The following SVIL variants were observed in gnomAD, a reference collection of about 807,000 sequenced individuals.
SVIL encodes the protein archvillin.
SVIL carries 101 observed loss-of-function variants against 240.4 expected under a neutral mutation model. The observed-to-expected ratio is 0.42, with a 90% CI of 0.36 to 0.50. SVIL has a LOEUF of 0.50. SVIL is among the 20% of genes least tolerant of loss of function. SVIL has a pLI of 0.01. For synonymous variants in SVIL, 999 were observed against 1,100.0 expected (o/e 0.91, Z 1.82); for missense variants, 2,512 against 2,818.7 (o/e 0.89, Z 2.46).
At chr10:29,559,381 C>T (rs192275834) in intron 3 of SVIL, among the ~76,000 whole-genome samples, 1 of 150,258 alleles carries the variant, frequency 6.7e-6, no homozygotes, top group East Asian at 1.9e-4. Context: ...AGTATTTTTT[C>T]TGAACCATTT....
intron 17 of SVIL, among the ~76,000 whole-genome samples, chr10:29,506,718 A>T (rs1288442228): frequency 1.9e-5 from 2 of 104,770 alleles, no homozygotes; most frequent in African/African-American, 6.6e-5. Context: ...GAGGGGATAG[A>T]GACTCTACGA....
chr10:29,661,494 T>C (rs551641723), intron 2 of SVIL, among the ~76,000 whole-genome samples: 9 of 152,124 alleles, frequency 5.9e-5, no homozygotes, highest in African/African-American at 2.2e-4. Flanking sequence ...CAGGAGGAGA[T>C]GCTAGCTAAG....
intron 1 of SVIL, among the ~76,000 whole-genome samples, chr10:29,717,826 T>G (rs943527034): frequency 2.0e-5 from 3 of 152,246 alleles, no homozygotes; most frequent in Non-Finnish European, 4.4e-5. Context: ...AATATACTTT[T>G]TCAACTATAA....
At chr10:29,535,602 GC>G (rs1951686454) in intron 7 of SVIL, among the ~76,000 whole-genome samples, 1 of 152,214 alleles carries the variant, frequency 6.6e-6, no homozygotes, top group South Asian at 2.1e-4. Context: ...AGGGCTGGGA[GC>G]AGTGGGAAGC....
intron 2 of SVIL, among the ~76,000 whole-genome samples, chr10:29,662,800 C>T (rs547427224): frequency 3.3e-5 from 5 of 152,138 alleles, no homozygotes; most frequent in Admixed American, 2.6e-4. Flanking sequence ...CACACACACA[C>T]GGAACACTTG....
chr10:29,567,791 T>C (rs1029290662), intron 2 of SVIL, among the ~76,000 whole-genome samples: 3 of 151,718 alleles, frequency 2.0e-5, no homozygotes, highest in African/African-American at 7.3e-5. Context: ...CCGAGGTGGG[T>C]GGATCACAAG....
chr10:29,659,344 T>C (rs1424486762), intron 2 of SVIL, among the ~76,000 whole-genome samples: 2 of 152,184 alleles, frequency 1.3e-5, no homozygotes, highest in Non-Finnish European at 2.9e-5. Flanking sequence ...GAGTTCCATC[T>C]TCTCATCTCC....
At position 29,633,663 on chromosome 10, in the gene SVIL, C is replaced by CT. The variant is rs34098641; in HGVS notation, c.-201+756dup. Among the ~76,000 whole-genome samples, 196 of 149,184 alleles carry CT rather than the reference C, an allele frequency of 1.3e-3. No homozygotes were observed. The South Asian group carries it at 0.015, about 11-fold the overall frequency. On this transcript the variant is annotated intron_variant, in intron 1 of 37. Coordinates refer to ENST00000355867, the MANE Select transcript of SVIL (RefSeq NM_021738.3). ...ATCTGATGTGGTATAAAGAAATAAT[C>CT]TTTTTTTTTTTTCAAAGAAGCAACA...
intron 7 of SVIL, 45 bp downstream of exon 7, chr10:29,535,944 G>GCAA: frequency 6.3e-7 from 1 of 1,590,922 alleles, no homozygotes; most frequent in Non-Finnish European, 8.6e-7. Flanking sequence ...GCAGGAGGAA[G>GCAA]CAACACTCAT....
chr10:29,467,744 T>G lies in SVIL; in HGVS notation c.5975A>C (p.Gln1992Pro). 6.2e-7 allele frequency: 1 copy of G among 1,614,070 alleles called. No homozygotes were observed. Among genetic ancestry groups the G allele is most frequent in the Non-Finnish European group, 8.5e-7 (1 of 1,179,982 alleles). The part of the protein sequence containing the change: ...RDRKAYDCML[Q>P]DPGSFNFAPR... ...GCAGACTGTGGATGCCACATTACCT[T>G]GAAGCATGCAATCGTAGGCTTTCCT... Residue 1992 changes from glutamine (Q) to proline (P), a missense_variant and splice_region_variant, in exon 33 of 38, where the codon CAA (glutamine) becomes CCA (proline). Physicochemically the swap from Gln to Pro is moderately conservative, Grantham distance 76 (BLOSUM62 -1). Transcript: ENST00000355867.
intron 1 of SVIL, among the ~76,000 whole-genome samples, chr10:29,584,767 G>A (rs1956094818): frequency 6.6e-6 from 1 of 152,356 alleles, no homozygotes; most frequent in African/African-American, 2.4e-5. Flanking sequence ...AGGTGGGAAG[G>A]GAGGCCGTGG....
intron 1 of SVIL, among the ~76,000 whole-genome samples, chr10:29,728,721 T>C (rs994880781): frequency 3.3e-5 from 5 of 152,072 alleles, no homozygotes; most frequent in African/African-American, 1.2e-4. Context: ...GCTAGCAGCA[T>C]GGAGGAGCTG....
chr10:29,532,460 C>T (rs557944849), intron 8 of SVIL, 69 bp downstream of exon 8: 17 of 1,537,826 alleles, frequency 1.1e-5, no homozygotes, highest in South Asian at 3.8e-5. Context: ...CAACACAGGT[C>T]GAGGAGTGAA....
intron 1 of SVIL, among the ~76,000 whole-genome samples, chr10:29,588,186 G>A (rs1956245110): frequency 6.6e-6 from 1 of 151,696 alleles, no homozygotes; most frequent in Admixed American, 6.6e-5. Context: ...GTGGACTGGA[G>A]CTGCCGAACC....
intron 2 of SVIL, among the ~76,000 whole-genome samples, chr10:29,659,702 C>T (rs1959101148): frequency 6.6e-6 from 1 of 152,178 alleles, no homozygotes; most frequent in Admixed American, 6.5e-5. Flanking sequence ...TCACCACTGC[C>T]TGGTGGAATT....
At chr10:29,470,539 C>A in intron 31 of SVIL, 56 bp from the exon 32 acceptor site, 9 of 1,596,040 alleles carry the variant, frequency 5.6e-6, no homozygotes, top group Non-Finnish European at 7.7e-6. Flanking sequence ...TGGCAGCAAA[C>A]GCGGCCCTTC....
At chr10:29,626,527 T>C (rs1290446071) in intron 1 of SVIL, among the ~76,000 whole-genome samples, 1 of 152,218 alleles carries the variant, frequency 6.6e-6, no homozygotes, top group Non-Finnish European at 1.5e-5. Context: ...TCCCATCTTG[T>C]TGTGAACACG....
At chr10:29,549,190 C>T (rs1952987274) in intron 6 of SVIL, among the ~76,000 whole-genome samples, 2 of 140,752 alleles carry the variant, frequency 1.4e-5, no homozygotes, top group Non-Finnish European at 3.1e-5. Context: ...AAACAAACAA[C>T]CCCATCAAAA....
At position 29,470,508 on chromosome 10, in the gene SVIL, AG is replaced by A. The variant is rs747404651; in HGVS notation, c.5636-26del. 1,857 of 1,613,124 alleles carry A rather than the reference AG, an allele frequency of 1.2e-3. 1 individual carries two copies. The highest frequency in any genetic ancestry group is 1.5e-3 in the Non-Finnish European group (1,788 of 1,179,930). ...CCTGCAGGGGGCACCGGCGGCGCGG[AG>A]GAGTTAGCACGTGAGCGAGTGGCAG... On this transcript the variant is annotated intron_variant, in intron 31 of 37. Coordinates refer to ENST00000355867, the MANE Select transcript of SVIL (RefSeq NM_021738.3).
Sources: gnomAD v4.1 joint callset for allele counts (sites outside exome capture counted in the v4.1 genomes callset) on GRCh38, gnomAD v4.1.1 for gene constraint, MANE v1.5 for transcripts, NCBI Gene and HGNC (gene_info 2026-07-23, HGNC 2026-07-21) for gene names.